Variants in FHIP1A observed in about 807,000 individuals in gnomAD.
The protein encoded by FHIP1A is FHF complex subunit HOOK-interacting protein 1A.
In FHIP1A, 61 loss-of-function variants were observed where a neutral mutation model predicts 88.6. That is an observed-to-expected ratio of 0.69 (90% CI 0.56 to 0.85). The LOEUF is 0.85. Among genes scored for constraint, FHIP1A ranks in the 40% least tolerant of loss-of-function variants. FHIP1A has a pLI of 0.00. For synonymous variants in FHIP1A, 478 were observed against 496.0 expected (o/e 0.96, Z 0.48); for missense variants, 1,154 against 1,273.5 (o/e 0.91, Z 1.43).
chr4:151,586,895 T>G, intron 6 of FHIP1A, 96 bp downstream of exon 6: 3 of 952,954 alleles, frequency 3.1e-6, no homozygotes, highest in East Asian at 2.8e-5. Flanking sequence ...TTTTAAAATG[T>G]TAATAAATGT....
chr4:151,583,053 C>T (rs1336862150), intron 5 of FHIP1A, among the ~76,000 whole-genome samples: 3 of 152,098 alleles, frequency 2.0e-5, no homozygotes, highest in Non-Finnish European at 4.4e-5. Context: ...CCGTCTTCTC[C>T]ATCTTTCCTG....
chr4:151,526,517 G>T (rs1402495325), intron 3 of FHIP1A, among the ~76,000 whole-genome samples: 4 of 146,196 alleles, frequency 2.7e-5, no homozygotes, highest in African/African-American at 1.0e-4. Context: ...CGGACGGGGC[G>T]GCCGGCCAGG....
chr4:151,410,059 G>T lies in FHIP1A; in HGVS notation c.-356+594G>T, dbSNP rs75383110. ...TCCTCTGGCTCAACAAAGGTCCCTT[G>T]TTAACTCCGCTTCTGCTAGGGAGTG... On this transcript the variant is annotated intron_variant, in intron 1 of 13. Coordinates refer to ENST00000435205, the MANE Select transcript of FHIP1A (RefSeq NM_001109977.3). 2.6e-3 allele frequency among the ~76,000 whole-genome samples: 399 copies of T among 152,310 alleles called. 1 individual carries two copies. Among genetic ancestry groups the T allele is most frequent in the African/African-American group, 9.2e-3 (382 of 41,566 alleles).
chr4:151,460,559 T>C (rs545332555), intron 2 of FHIP1A, among the ~76,000 whole-genome samples: 1 of 152,334 alleles, frequency 6.6e-6, no homozygotes, highest in Admixed American at 6.5e-5. Context: ...ATAGAGAGGG[T>C]CACTCTGTCT....
chr4:151,546,338 T>G (rs529517638), intron 3 of FHIP1A, among the ~76,000 whole-genome samples: 8 of 152,306 alleles, frequency 5.3e-5, no homozygotes, highest in African/African-American at 1.7e-4. Context: ...GTTCTGAGGC[T>G]TTCGGACTTG....
intron 3 of FHIP1A, among the ~76,000 whole-genome samples, chr4:151,551,560 C>T (rs1267802836): frequency 1.4e-5 from 1 of 69,368 alleles, no homozygotes; most frequent in African/African-American, 5.2e-5. Context: ...CTTTGACAAA[C>T]CTGACAAAAG....
intron 7 of FHIP1A, among the ~76,000 whole-genome samples, chr4:151,592,173 C>T (rs1014014242): frequency 6.6e-6 from 1 of 151,912 alleles, no homozygotes; most frequent in African/African-American, 2.4e-5. Context: ...CTCACTCTGT[C>T]GCCCAGGCTG....
At chr4:151,558,745 G>A (rs1733055818) in intron 3 of FHIP1A, among the ~76,000 whole-genome samples, 1 of 152,194 alleles carries the variant, frequency 6.6e-6, no homozygotes, top group Non-Finnish European at 1.5e-5. Context: ...GAGGCTCCCT[G>A]AAAGGGTTTT....
intron 3 of FHIP1A, among the ~76,000 whole-genome samples, chr4:151,552,154 A>G (rs1429855318): frequency 1.3e-5 from 2 of 152,220 alleles, no homozygotes; most frequent in East Asian, 1.9e-4. Context: ...TAGAATGGCA[A>G]TCATTAAAAA....
intron 3 of FHIP1A, among the ~76,000 whole-genome samples, chr4:151,488,812 A>G (rs1473207357): frequency 6.6e-6 from 1 of 152,226 alleles, no homozygotes; most frequent in Non-Finnish European, 1.5e-5. Flanking sequence ...AGTATTCAAT[A>G]TTGATCATAT....
chr4:151,662,108 A>G (rs930310581), intron 13 of FHIP1A, among the ~76,000 whole-genome samples: 3 of 152,242 alleles, frequency 2.0e-5, no homozygotes, highest in Non-Finnish European at 4.4e-5. Flanking sequence ...TCATCCCAGC[A>G]TGAGAGGCTG....
intron 8 of FHIP1A, 59 bp downstream of exon 8, chr4:151,629,928 T>A (rs1578839094): frequency 7.5e-7 from 1 of 1,337,664 alleles, no homozygotes; most frequent in East Asian, 2.6e-5. Flanking sequence ...AGGAGAGTTT[T>A]TTTTTGGGAA....
chr4:151,649,402 C>G lies in FHIP1A; in HGVS notation c.1418-57C>G, dbSNP rs547762488. 722 of 1,305,160 alleles carry G rather than the reference C, an allele frequency of 5.5e-4. 11 individuals carry two copies. The South Asian group carries it at 9.6e-3, about 17-fold the overall frequency. The allele number at this position is 1,305,160 out of a possible 1,614,324, so 80.8% of individuals were successfully genotyped here. A position where few individuals can be genotyped will look rare whatever the true frequency, so the allele number is the denominator to read the frequency against. On this transcript the variant is annotated intron_variant, in intron 10 of 13. Coordinates refer to ENST00000435205, the MANE Select transcript of FHIP1A (RefSeq NM_001109977.3). ...TAGCCCGAATGGGTCACAACCCCAT[C>G]CACTACCTTTGTCCCCACACCTCCC...
chr4:151,601,291 G>T (rs192729149), intron 7 of FHIP1A, among the ~76,000 whole-genome samples: 3 of 152,000 alleles, frequency 2.0e-5, no homozygotes, highest in Non-Finnish European at 4.4e-5. Flanking sequence ...CAGGTCTACT[G>T]GGGGGGCATA....
chr4:151,435,343 C>T (rs996102879), intron 1 of FHIP1A, among the ~76,000 whole-genome samples: 1 of 151,968 alleles, frequency 6.6e-6, no homozygotes, highest in Non-Finnish European at 1.5e-5. Flanking sequence ...TTTTAAGCTC[C>T]CACCTGAGTG....
intron 7 of FHIP1A, among the ~76,000 whole-genome samples, chr4:151,606,249 G>C (rs1327444967): frequency 2.6e-5 from 4 of 152,164 alleles, no homozygotes; most frequent in African/African-American, 9.7e-5. Flanking sequence ...CAGACTTCCC[G>C]TTGGATTTTT....
intron 7 of FHIP1A, among the ~76,000 whole-genome samples, chr4:151,609,802 A>T (rs1031547968): frequency 6.6e-6 from 1 of 152,214 alleles, no homozygotes; most frequent in African/African-American, 2.4e-5. Context: ...TGGCCGTAGG[A>T]TCTATATCAC....
At chr4:151,570,187 G>T (rs760923373) in intron 4 of FHIP1A, among the ~76,000 whole-genome samples, 2 of 152,112 alleles carry the variant, frequency 1.3e-5, no homozygotes, top group Non-Finnish European at 2.9e-5. Context: ...CTCCAAAAAT[G>T]CAAAGTTGCT....
chr4:151,479,175 T>C (rs968517112), intron 2 of FHIP1A, among the ~76,000 whole-genome samples: 1 of 152,078 alleles, frequency 6.6e-6, no homozygotes, highest in South Asian at 2.1e-4. Context: ...TGTTGAGGAA[T>C]TGTGAGCTTA....
Sources: gnomAD v4.1 joint callset for allele counts (sites outside exome capture counted in the v4.1 genomes callset) on GRCh38, gnomAD v4.1.1 for gene constraint, MANE v1.5 for transcripts, NCBI Gene and HGNC (gene_info 2026-07-23, HGNC 2026-07-21) for gene names.